The following BTBD8 variants were observed in gnomAD, a reference collection of about 807,000 sequenced individuals.
BTBD8 encodes BTB/POZ domain-containing protein 8.
Under a neutral mutation model 162.9 loss-of-function variants are expected in BTBD8, and 110 were observed. The observed-to-expected ratio is 0.68, with a 90% CI of 0.58 to 0.79. BTBD8 has a LOEUF of 0.79. BTBD8 is among the 30% of genes least tolerant of loss of function. The pLI is 0.00. For synonymous variants in BTBD8, 667 were observed against 716.1 expected, an observed-to-expected ratio of 0.93 and a Z score of 1.10; for missense variants, 1,905 against 2,085.4, an observed-to-expected ratio of 0.91 and a Z score of 1.68.
chr1:92,176,881 G>A lies in BTBD8; in HGVS notation c.1688G>A (p.Gly563Glu), dbSNP rs1650726994. ...SGDIKIKSWR[G>E]NNKKECWSYL... ...GATATAAAAATCAAATCTTGGAGGG[G>A]AAATAACAAGAAAGAGTGTTGGAGT... Residue 563 changes from glycine to glutamate, a missense_variant, in exon 14 of 18, where the codon GGA becomes GAA. Coordinates refer to ENST00000636805, the MANE Select transcript of BTBD8 (RefSeq NM_001376131.1). 2 of 1,488,362 alleles carry A rather than the reference G, an allele frequency of 1.3e-6. No homozygotes were observed. Among genetic ancestry groups the A allele is most frequent in the Admixed American group, 5.2e-5 (2 of 38,176 alleles). The allele number at this position is 1,488,362 out of a possible 1,614,324, so 92.2% of individuals were successfully genotyped here. A position where few individuals can be genotyped will look rare whatever the true frequency, so the allele number is the denominator to read the frequency against.
At chr1:92,098,427 C>T (rs953487912) in intron 2 of BTBD8, among the ~76,000 whole-genome samples, 2 of 152,086 alleles carry the variant, frequency 1.3e-5, no homozygotes, top group Admixed American at 6.5e-5. Context: ...ATTTTCAAGT[C>T]TCTTGTATTA....
chr1:92,134,212 A>G (rs1049566753), intron 5 of BTBD8, among the ~76,000 whole-genome samples: 2 of 152,186 alleles, frequency 1.3e-5, no homozygotes, highest in Non-Finnish European at 2.9e-5. Context: ...GGATTTTCCT[A>G]TCTCCCTTGA....
At chr1:92,148,727 A>C (rs149206113) in intron 9 of BTBD8, among the ~76,000 whole-genome samples, 1 of 152,342 alleles carries the variant, frequency 6.6e-6, no homozygotes, top group East Asian at 1.9e-4. Flanking sequence ...ATAAGTCTTA[A>C]TCCCCAAAAG....
At chr1:92,158,135 A>G (rs1278393145) in intron 9 of BTBD8, among the ~76,000 whole-genome samples, 1 of 152,300 alleles carries the variant, frequency 6.6e-6, no homozygotes, top group East Asian at 1.9e-4. Context: ...TGTTAAATCT[A>G]AAGTGAGTCT....
chr1:92,164,605 C>T (rs530576386), intron 9 of BTBD8, among the ~76,000 whole-genome samples: 28 of 151,256 alleles, frequency 1.9e-4, no homozygotes, highest in African/African-American at 5.6e-4. Flanking sequence ...GGTGACAGAG[C>T]GAGACCCCGT....
intron 2 of BTBD8, among the ~76,000 whole-genome samples, chr1:92,097,621 A>C (rs1648485658): frequency 1.3e-5 from 2 of 152,170 alleles, no homozygotes; most frequent in South Asian, 4.1e-4. Context: ...ATTTCATATA[A>C]ATGGAATCAT....
At chr1:92,116,908 G>A (rs1649055784) in intron 4 of BTBD8, among the ~76,000 whole-genome samples, 1 of 150,182 alleles carries the variant, frequency 6.7e-6, no homozygotes, top group African/African-American at 2.5e-5. Flanking sequence ...GGAGTGCAGT[G>A]ATACGATCAT....
intron 4 of BTBD8, among the ~76,000 whole-genome samples, chr1:92,113,771 G>A (rs1648962798): frequency 6.6e-6 from 1 of 151,906 alleles, no homozygotes; most frequent in Non-Finnish European, 1.5e-5. Context: ...CCAGCACTTT[G>A]GGAGGCCGAG....
At chr1:92,081,349 G>A (rs113611434) in intron 1 of BTBD8, among the ~76,000 whole-genome samples, 1 of 152,070 alleles carries the variant, frequency 6.6e-6, no homozygotes, top group African/African-American at 2.4e-5. Flanking sequence ...CGGGTTATTG[G>A]GAATCCAGCT....
intron 5 of BTBD8, among the ~76,000 whole-genome samples, chr1:92,138,900 C>T (rs1269007118): frequency 6.6e-6 from 1 of 152,120 alleles, no homozygotes; most frequent in Non-Finnish European, 1.5e-5. Context: ...AGTACGTTGG[C>T]CAATCTTAGA....
intron 13 of BTBD8, among the ~76,000 whole-genome samples, chr1:92,175,378 C>A (rs924901963): frequency 7.1e-6 from 1 of 141,448 alleles, no homozygotes; most frequent in African/African-American, 2.6e-5. Context: ...ACTCGGGAGG[C>A]TGAGGCAGGG....
Position 92,147,264 on chromosome 1 carries a change from A to C in BTBD8, c.1015A>C (p.Met339Leu). ...VGVESLFADC[M>L]KWIVKHFARF... Reference sequence around the variant, plus strand: ...AGTGGAAAGTCTTTTTGCTGACTGCATGAAGTAAGTTATGTTAAGTAGTGC... The same window carrying C: ...AGTGGAAAGTCTTTTTGCTGACTGCCTGAAGTAAGTTATGTTAAGTAGTGC... The change falls in exon 8 of 18, where the codon ATG becomes CTG. Residue 339 changes from methionine (M) to leucine (L), a missense_variant. Coordinates refer to ENST00000636805, the MANE Select transcript of BTBD8 (RefSeq NM_001376131.1). 6.2e-7 allele frequency: 1 copy of C among 1,605,710 alleles called. No individual in the cohort carries two copies. Among genetic ancestry groups the C allele is most frequent in the Non-Finnish European group, 8.5e-7 (1 of 1,173,244 alleles).
intron 4 of BTBD8, among the ~76,000 whole-genome samples, chr1:92,120,196 C>T (rs142677865): frequency 7.4e-4 from 112 of 152,098 alleles, no homozygotes; most frequent in Middle Eastern, 3.4e-3. Flanking sequence ...CTGGCCTATA[C>T]GCTTTTTTCT....
intron 3 of BTBD8, among the ~76,000 whole-genome samples, chr1:92,104,478 C>G (rs72956827): frequency 0.014 from 2,096 of 152,268 alleles, 57 homozygotes; most frequent in African/African-American, 0.049. Context: ...AAGAGACTTT[C>G]CCGAGGTCAC....
chr1:92,080,433 G>T lies in BTBD8; in HGVS notation c.-139G>T. The T allele has an allele frequency of 1.6e-6, 2 of 1,267,202 alleles. No homozygotes were observed. Among genetic ancestry groups the T allele is most frequent in the Non-Finnish European group, 2.1e-6 (2 of 936,740 alleles). 78.5% of individuals were successfully genotyped at this position (1,267,202 alleles called of 1,614,324 possible). A position where few individuals can be genotyped will look rare whatever the true frequency, so the allele number is the denominator to read the frequency against. ...TCTGGGAGACTGTCTACAAACCGAC[G>T]AGAGGCGTCAACCTTTTACCCTAGG... is the stretch of plus-strand genomic sequence containing the variant. On this transcript the variant is annotated 5_prime_UTR_variant, in exon 1 of 18. Coordinates refer to ENST00000636805, the MANE Select transcript of BTBD8 (RefSeq NM_001376131.1).
chr1:92,089,397 G>C (rs1042822515), intron 2 of BTBD8, among the ~76,000 whole-genome samples: 2 of 151,992 alleles, frequency 1.3e-5, no homozygotes, highest in Non-Finnish European at 2.9e-5. Context: ...CTGTATTGTT[G>C]GCATGTGAAA....
At chr1:92,113,735 C>T (rs997390748) in intron 4 of BTBD8, among the ~76,000 whole-genome samples, 3 of 150,702 alleles carry the variant, frequency 2.0e-5, no homozygotes, top group Admixed American at 1.3e-4. Flanking sequence ...GGGGTAGGCC[C>T]GGTGCGGTGG....
At chr1:92,173,150 C>A (rs1219763507) in intron 13 of BTBD8, among the ~76,000 whole-genome samples, 1 of 152,202 alleles carries the variant, frequency 6.6e-6, no homozygotes, top group Non-Finnish European at 1.5e-5. Context: ...GTCTCGAACT[C>A]CCGACCTCAG....
At chr1:92,165,124 A>C (rs1241420156) in intron 9 of BTBD8, among the ~76,000 whole-genome samples, 1 of 151,816 alleles carries the variant, frequency 6.6e-6, no homozygotes, top group Non-Finnish European at 1.5e-5. Flanking sequence ...TGTGTCAAAA[A>C]AAAAAAAAAA....
Sources: gnomAD v4.1 joint callset for allele counts (sites outside exome capture counted in the v4.1 genomes callset) on GRCh38, gnomAD v4.1.1 for gene constraint, MANE v1.5 for transcripts, NCBI Gene and HGNC (gene_info 2026-07-23, HGNC 2026-07-21) for gene names.